SETD2: variants seen among roughly 807,000 people sequenced by gnomAD.
SETD2 encodes the protein SET domain containing 2, histone lysine methyltransferase.
Under a neutral mutation model 242.1 loss-of-function variants are expected in SETD2, and 31 were observed. That is an observed-to-expected ratio of 0.13 (90% CI 0.10 to 0.17). SETD2 has a LOEUF of 0.17. SETD2 is among the 10% of genes least tolerant of loss of function. SETD2 has a pLI of 1.00. For synonymous variants in SETD2, 1,006 were observed against 1,066.5 expected (o/e 0.94, Z 1.11); for missense variants, 2,481 against 3,046.3 (o/e 0.81, Z 4.37).
chr3:47,100,685 T>C (rs996668759), intron 8 of SETD2, among the ~76,000 whole-genome samples: 2 of 152,112 alleles, frequency 1.3e-5, no homozygotes, highest in Non-Finnish European at 2.9e-5. Context: ...CAGTCTTTGC[T>C]ATTGCATCGG....
intron 8 of SETD2, among the ~76,000 whole-genome samples, chr3:47,100,176 G>A (rs988034775): frequency 3.3e-5 from 5 of 151,802 alleles, no homozygotes; most frequent in East Asian, 1.9e-4. Context: ...TCTTGACCTC[G>A]TGATCTGCCC....
chr3:47,151,584 T>A (rs768764955), intron 1 of SETD2, among the ~76,000 whole-genome samples: 2 of 151,966 alleles, frequency 1.3e-5, no homozygotes, highest in Non-Finnish European at 2.9e-5. Context: ...TCCCAGCATG[T>A]GGGGAGGCCA....
At chr3:47,064,684 C>T (rs1213879478) in intron 13 of SETD2, 4 of 324,860 alleles carry the variant, frequency 1.2e-5, no homozygotes, top group South Asian at 1.1e-4. Flanking sequence ...TGAAGTGTTT[C>T]ACAATCCTTC....
chr3:47,031,134 T>C (rs1282565408), intron 18 of SETD2, among the ~76,000 whole-genome samples: 1 of 152,134 alleles, frequency 6.6e-6, no homozygotes, highest in Non-Finnish European at 1.5e-5. Flanking sequence ...GCTCAAATGA[T>C]TTTTAGGGCA....
intron 18 of SETD2, among the ~76,000 whole-genome samples, chr3:47,023,223 A>C (rs55724164): frequency 0.35 from 53,041 of 151,674 alleles, 9,715 homozygotes; most frequent in Middle Eastern, 0.49. Context: ...AGATGGTGAA[A>C]CCCCGTCTCT....
chr3:47,052,983 G>A (rs925242612), intron 15 of SETD2, among the ~76,000 whole-genome samples: 1 of 151,764 alleles, frequency 6.6e-6, no homozygotes, highest in African/African-American at 2.4e-5. Context: ...TCCACCTCCT[G>A]GGTTCAAATG....
chr3:47,114,125 T>C (rs949782766), intron 4 of SETD2, 121 bp from the exon 5 acceptor site: 8 of 962,352 alleles, frequency 8.3e-6, no homozygotes, highest in Non-Finnish European at 1.1e-5. Context: ...TTAGCATATG[T>C]ATGACTAACC....
rs1403270185 is a variant in SETD2 at position 47,057,014 on chromosome 3, A to C, written c.6770T>G (p.Leu2257Trp). 49 of 1,614,270 alleles carry C rather than the reference A, an allele frequency of 3.0e-5. No individual in the cohort carries two copies. Among genetic ancestry groups the C allele is most frequent in the Non-Finnish European group, 4.2e-5 (49 of 1,180,050 alleles). ...AACTGGGCCGGGGGCCGGCACTGGC[A>C]AGACAGCAACGCTGGAGTCTTGGTG... ...VVHQDSSVAV[L>W]PVPAPGPVQG... The change falls in exon 15 of 21, where the codon TTG becomes TGG. Residue 2257 changes from leucine (L) to tryptophan (W), a missense_variant. By Grantham distance (61) the Leu-to-Trp change is moderately conservative (BLOSUM62 -2). Around this residue, in one of 17 missense-constraint regions of SETD2, gnomAD observed 235 missense variants for 293.9 expected, o/e 0.80. Transcript: ENST00000409792.
chr3:47,094,047 G>A (rs1403925778), intron 9 of SETD2, among the ~76,000 whole-genome samples: 1 of 152,154 alleles, frequency 6.6e-6, no homozygotes, highest in African/African-American at 2.4e-5. Context: ...CTGGATAGTA[G>A]TATTCATTTG....
chr3:47,050,331 G>A (rs1575689763), intron 15 of SETD2, among the ~76,000 whole-genome samples: 1 of 151,970 alleles, frequency 6.6e-6, no homozygotes. Flanking sequence ...AGGCTTACAC[G>A]GAGTCAGGAT....
At position 47,016,829 on chromosome 3, in the gene SETD2, A is replaced by T. The variant is rs2038002485; in HGVS notation, c.*264T>A. On this transcript the variant is annotated 3_prime_UTR_variant, in exon 21 of 21. Coordinates refer to ENST00000409792, the MANE Select transcript of SETD2 (RefSeq NM_014159.7). ...GGAGAAGACCCAGGTTTAAGAGTGG[A>T]GTCAGGTCTGGCCAGGGTCTTTTCT... is the stretch of plus-strand genomic sequence containing the variant. 1 of 439,556 alleles carries T rather than the reference A, an allele frequency of 2.3e-6. No homozygotes were observed. Among genetic ancestry groups the T allele is most frequent in the African/African-American group, 1.9e-5 (1 of 51,780 alleles). The allele number at this position is 439,556 out of a possible 1,614,324, so 27.2% of individuals were successfully genotyped here. A position where few individuals can be genotyped will look rare whatever the true frequency, so the allele number is the denominator to read the frequency against.
chr3:47,083,592 A>G, intron 12 of SETD2, 128 bp downstream of exon 12: 2 of 862,058 alleles, frequency 2.3e-6, no homozygotes, highest in Non-Finnish European at 3.6e-6. Flanking sequence ...TAAATAAAAC[A>G]GTAAGAGAGA....
chr3:47,132,356 ACATGCCTATAGTCG>A (rs1012071451), intron 1 of SETD2, among the ~76,000 whole-genome samples: 1 of 152,036 alleles, frequency 6.6e-6, no homozygotes, highest in African/African-American at 2.4e-5. Context: ...GTGTGGTGGT[ACATGCCTATAGTCG>A]CAGCTACTTG....
chr3:47,062,373 T>C (rs201124102), intron 13 of SETD2, 27 bp from the exon 14 acceptor site: 3 of 234,894 alleles, frequency 1.3e-5, no homozygotes, highest in Non-Finnish European at 1.6e-5. Flanking sequence ...GTTTGTTTGT[T>C]TTTTTTTTTT....
chr3:47,153,995 A>G (rs2044064047), intron 1 of SETD2, among the ~76,000 whole-genome samples: 2 of 152,214 alleles, frequency 1.3e-5, no homozygotes, highest in South Asian at 4.1e-4. Flanking sequence ...CCTTCCACGT[A>G]GCACAATATG....
intron 12 of SETD2, among the ~76,000 whole-genome samples, chr3:47,079,157 C>T (rs1278471908): frequency 2.0e-5 from 3 of 152,070 alleles, no homozygotes. Context: ...GCTGTTCTTG[C>T]AGTTTTTCAT....
chr3:47,128,279 T>C (rs2043393682), intron 1 of SETD2, among the ~76,000 whole-genome samples: 1 of 152,216 alleles, frequency 6.6e-6, no homozygotes, highest in Non-Finnish European at 1.5e-5. Flanking sequence ...GGTTATGTTC[T>C]AACAAAGGTA....
intron 18 of SETD2, among the ~76,000 whole-genome samples, chr3:47,026,893 C>T (rs1328610101): frequency 2.0e-5 from 3 of 151,876 alleles, no homozygotes; most frequent in East Asian, 3.9e-4. Flanking sequence ...CACCATGGCA[C>T]GTGTATACCT....
At chr3:47,019,576 A>G (rs1575645472) in intron 19 of SETD2, among the ~76,000 whole-genome samples, 184 bp downstream of exon 19, 1 of 152,322 alleles carries the variant, frequency 6.6e-6, no homozygotes, top group East Asian at 1.9e-4. Flanking sequence ...TGTCAAGCCA[A>G]GAAAAGATGG....
Sources: allele counts gnomAD v4.1 joint callset (sites outside exome capture counted in the v4.1 genomes callset), GRCh38; gene constraint gnomAD v4.1.1; regional missense constraint gnomAD v4.1.1; transcripts MANE v1.5; gene names NCBI Gene and HGNC (gene_info 2026-07-23, HGNC 2026-07-21).